Variants in THSD7B observed in about 807,000 individuals in gnomAD.
The protein encoded by THSD7B is thrombospondin type-1 domain-containing protein 7B.
In THSD7B, 138 loss-of-function variants were observed where a neutral mutation model predicts 213.6. The ratio of observed to expected loss-of-function variants is 0.65; its 90% CI spans 0.56 to 0.74. The LOEUF (loss-of-function observed/expected upper bound fraction) is 0.74. THSD7B is among the 30% of genes least tolerant of loss of function. THSD7B has a pLI of 0.00. For synonymous variants in THSD7B, 742 were observed against 687.0 expected (o/e 1.08, Z -1.25); for missense variants, 1,931 against 1,991.5 (o/e 0.97, Z 0.58).
intron 2 of THSD7B, among the ~76,000 whole-genome samples, chr2:136,911,890 G>A (rs892589161): frequency 2.6e-5 from 4 of 152,150 alleles, no homozygotes; most frequent in Non-Finnish European, 5.9e-5. Context: ...TCTACTCCAT[G>A]GTTGATAGCT....
intron 12 of THSD7B, among the ~76,000 whole-genome samples, chr2:137,368,275 T>A (rs1054820312): frequency 1.5e-4 from 22 of 151,518 alleles, no homozygotes; most frequent in Non-Finnish European, 1.9e-4. Context: ...AAAAAAAAAA[T>A]TTATAGAATT....
In THSD7B at chr2:137,233,102, A is replaced by G; in HGVS notation, c.2119A>G (p.Lys707Glu). ...TCAGACTCGGAGAGTCTTCTGTGTCAAGAGTCACGTGGGACAAGTAATGAC... is the reference window on the plus strand; with the variant it reads ...TCAGACTCGGAGAGTCTTCTGTGTCGAGAGTCACGTGGGACAAGTAATGAC... ...GIQTRRVFCVKSHVGQVMTKR... is the reference protein window; with the variant it reads ...GIQTRRVFCVESHVGQVMTKR... Residue 707 changes from lysine (K) to glutamate (E), a missense_variant, in exon 9 of 28, where the codon AAG (lysine) becomes GAG (glutamate). Lys to Glu is a moderately conservative substitution (Grantham distance 56). Coordinates refer to ENST00000409968, the MANE Select transcript of THSD7B (RefSeq NM_001316349.2). 1.2e-6 allele frequency: 2 copies of G among 1,613,830 alleles called. No homozygotes were observed. The highest frequency in any genetic ancestry group is 1.7e-6 in the Non-Finnish European group (2 of 1,179,786).
rs567898081 is a variant in THSD7B at position 137,535,550 on chromosome 2, C to T, written c.3139-27671C>T. Among the ~76,000 whole-genome samples, 70 of 151,820 alleles carry T rather than the reference C, an allele frequency of 4.6e-4. 2 individuals are homozygous for T. In the South Asian group the frequency reaches 0.014, roughly 31 times the overall value. On this transcript the variant is annotated intron_variant, in intron 15 of 27. Coordinates refer to ENST00000409968, the MANE Select transcript of THSD7B (RefSeq NM_001316349.2). Reference sequence around the variant, plus strand: ...CAATCCTCACAGTCTGTGCTTAAGACTTTATACCCGGTGCCTAACTTACTA... The same window carrying T: ...CAATCCTCACAGTCTGTGCTTAAGATTTTATACCCGGTGCCTAACTTACTA...
chr2:137,286,793 C>T (rs185381926), intron 12 of THSD7B, among the ~76,000 whole-genome samples: 73 of 152,194 alleles, frequency 4.8e-4, no homozygotes, highest in African/African-American at 1.7e-3. Flanking sequence ...CTACCTTATC[C>T]ACGAGCTATG....
At chr2:137,665,364 G>T (rs756430480) in intron 26 of THSD7B, among the ~76,000 whole-genome samples, 2 of 152,072 alleles carry the variant, frequency 1.3e-5, no homozygotes, top group African/African-American at 2.4e-5. Flanking sequence ...GAGTATATGT[G>T]TGTGTGTCTA....
intron 12 of THSD7B, among the ~76,000 whole-genome samples, chr2:137,301,089 TA>T (rs1398236382): frequency 6.6e-6 from 1 of 152,110 alleles, no homozygotes; most frequent in Admixed American, 6.5e-5. Context: ...TAAAGCAATA[TA>T]AAAACCTGCC....
At chr2:137,254,365 C>T (rs1374113903) in intron 10 of THSD7B, among the ~76,000 whole-genome samples, 3 of 152,176 alleles carry the variant, frequency 2.0e-5, no homozygotes, top group Admixed American at 6.5e-5. Flanking sequence ...CAAAGGAATA[C>T]AGATCACACG....
intron 1 of THSD7B, among the ~76,000 whole-genome samples, chr2:136,816,118 CAGACA>C (rs1273436059): frequency 7.2e-5 from 11 of 152,148 alleles, no homozygotes; most frequent in African/African-American, 2.7e-4. Flanking sequence ...CTCCTGAGCT[CAGACA>C]ATCTGCACAC....
At chr2:137,655,394 C>G (rs964940695) in intron 21 of THSD7B, 107 bp from the exon 22 acceptor site, 7 of 1,209,618 alleles carry the variant, frequency 5.8e-6, no homozygotes, top group Non-Finnish European at 6.8e-6. Flanking sequence ...GAAGAGGAAG[C>G]TACGAAAATA....
intron 12 of THSD7B, among the ~76,000 whole-genome samples, chr2:137,387,346 T>G (rs138075507): frequency 6.6e-6 from 1 of 152,184 alleles, no homozygotes; most frequent in African/African-American, 2.4e-5. Flanking sequence ...CCCAGGCAGT[T>G]TCTCAGAGGG....
chr2:136,788,282 A>G (rs554932103), intron 1 of THSD7B, among the ~76,000 whole-genome samples: 1 of 152,328 alleles, frequency 6.6e-6, no homozygotes, highest in South Asian at 2.1e-4. Context: ...GGAATGAGAA[A>G]GGACTTCTTC....
chr2:137,601,239 T>C (rs772390788), intron 17 of THSD7B, among the ~76,000 whole-genome samples: 2 of 152,202 alleles, frequency 1.3e-5, no homozygotes, highest in Non-Finnish European at 2.9e-5. Flanking sequence ...TCTACCATAG[T>C]GTACAGTAGT....
chr2:136,985,613 G>A (rs951142741), intron 2 of THSD7B, among the ~76,000 whole-genome samples: 3 of 152,226 alleles, frequency 2.0e-5, no homozygotes, highest in Non-Finnish European at 2.9e-5. Flanking sequence ...CACAGTGGTG[G>A]AACCCTCATA....
At chr2:137,432,132 C>T (rs374684242) in intron 14 of THSD7B, among the ~76,000 whole-genome samples, 238 of 152,310 alleles carry the variant, frequency 1.6e-3, no homozygotes, top group African/African-American at 5.4e-3. Flanking sequence ...GTGGCTCCTG[C>T]CTGTAATCCC....
intron 1 of THSD7B, among the ~76,000 whole-genome samples, chr2:136,875,480 T>C (rs2104985355): frequency 1.2e-5 from 1 of 82,724 alleles, no homozygotes; most frequent in East Asian, 3.2e-4. Flanking sequence ...GTAGAAAGCA[T>C]GCAGCACATA....
At chr2:137,192,427 G>A (rs781162521) in intron 7 of THSD7B, among the ~76,000 whole-genome samples, 16 of 152,112 alleles carry the variant, frequency 1.1e-4, no homozygotes, top group Non-Finnish European at 1.5e-5. Context: ...AGAGTGATTG[G>A]GGCTGGGGGA....
At chr2:137,648,969 G>A (rs1683088629) in intron 21 of THSD7B, among the ~76,000 whole-genome samples, 1 of 151,850 alleles carries the variant, frequency 6.6e-6, no homozygotes, top group Non-Finnish European at 1.5e-5. Context: ...TTTTAGCTGG[G>A]GTAAGATGAT....
chr2:136,804,876 C>T (rs1573646091), intron 1 of THSD7B, among the ~76,000 whole-genome samples: 2 of 152,270 alleles, frequency 1.3e-5, no homozygotes, highest in East Asian at 3.9e-4. Flanking sequence ...GCCAGCAGGT[C>T]AGCCCATTCT....
intron 5 of THSD7B, among the ~76,000 whole-genome samples, chr2:137,131,109 T>C (rs1373461752): frequency 7.3e-6 from 1 of 136,816 alleles, no homozygotes; most frequent in South Asian, 2.4e-4. Context: ...TGGTTTTGAT[T>C]TGCATTTCTC....
Sources: gnomAD v4.1 joint callset for allele counts (sites outside exome capture counted in the v4.1 genomes callset) on GRCh38, gnomAD v4.1.1 for gene constraint, MANE v1.5 for transcripts, NCBI Gene and HGNC (gene_info 2026-07-23, HGNC 2026-07-21) for gene names.